ZDHHC7: variants seen among roughly 807,000 people sequenced by gnomAD.
The protein encoded by ZDHHC7 is zDHHC palmitoyltransferase 7, also known as palmitoyltransferase ZDHHC7.
ZDHHC7 carries 12 observed loss-of-function variants against 34.1 expected under a neutral mutation model. The observed-to-expected ratio is 0.35, with a 90% CI of 0.23 to 0.57. ZDHHC7 has a LOEUF of 0.57. Among genes scored for constraint, ZDHHC7 ranks in the 20% least tolerant of loss-of-function variants. The pLI, the probability that ZDHHC7 is intolerant of heterozygous loss-of-function variation, is 0.84. For synonymous variants in ZDHHC7, 185 were observed against 155.4 expected, an observed-to-expected ratio of 1.19 and a Z score of -1.42; for missense variants, 388 against 402.7, an observed-to-expected ratio of 0.96 and a Z score of 0.31.
At chr16:84,998,027 G>A (rs533198448) in intron 1 of ZDHHC7, among the ~76,000 whole-genome samples, 29 of 150,428 alleles carry the variant, frequency 1.9e-4, no homozygotes, top group Admixed American at 4.6e-4. Flanking sequence ...TTGGGAGGCC[G>A]AGGCGGGCGG....
At chr16:85,015,849 G>A (rs891461274), upstream of ZDHHC7, among the ~76,000 whole-genome samples, 2 of 151,064 alleles carry the variant, frequency 1.3e-5, no homozygotes, top group African/African-American at 2.4e-5. Context: ...AAAAAAAAAA[G>A]AAAAAGAAAA....
the ZDHHC7 span, among the ~76,000 whole-genome samples, chr16:85,019,674 T>C: frequency 6.6e-6 from 1 of 152,182 alleles, no homozygotes; most frequent in Non-Finnish European, 1.5e-5. Flanking sequence ...GCCGAGATTG[T>C]GCCTCTACAC....
At chr16:84,990,919 C>G (rs911289308) in intron 2 of ZDHHC7, among the ~76,000 whole-genome samples, 2 of 152,234 alleles carry the variant, frequency 1.3e-5, no homozygotes, top group African/African-American at 4.8e-5. Context: ...AAAGCACAAG[C>G]TAGACGCGAA....
chr16:84,995,164 G>C (rs143459622), intron 2 of ZDHHC7, among the ~76,000 whole-genome samples: 1 of 152,154 alleles, frequency 6.6e-6, no homozygotes, highest in Non-Finnish European at 1.5e-5. Flanking sequence ...CTCTCACACA[G>C]ATGCCCCAGC....
At chr16:85,014,338 C>T (rs1470051875), upstream of ZDHHC7, among the ~76,000 whole-genome samples, 2 of 152,226 alleles carry the variant, frequency 1.3e-5, no homozygotes, top group Non-Finnish European at 2.9e-5. Flanking sequence ...AGAATTTCAA[C>T]ATCTTTCTAT....
At chr16:84,990,657 A>G (rs2072498017) in intron 2 of ZDHHC7, 22 bp from the exon 3 acceptor site, 3 of 1,590,480 alleles carry the variant, frequency 1.9e-6, no homozygotes, top group Non-Finnish European at 1.7e-6. Context: ...GACGACACAG[A>G]GCTGGTAAGG....
At position 84,990,593 on chromosome 16, in the gene ZDHHC7, C is replaced by T. The variant is rs750803924; in HGVS notation, c.26G>A (p.Arg9Gln). Residue 9 changes from arginine to glutamine, a missense_variant, in exon 3 of 8, where the codon CGG becomes CAG. By Grantham distance (43) the Arg-to-Gln change is conservative. Coordinates refer to ENST00000313732, the MANE Select transcript of ZDHHC7 (RefSeq NM_017740.3). MQPSGHRL[R>Q]DVEHHPLLAE... is the part of the protein sequence containing the mutation. The stretch of plus-strand genomic sequence containing the variant: ...CAGGAGAGGATGATGCTCGACGTCC[C>T]GGAGCCTGTGTCCTGATGGCTGCAT... The T allele has an allele frequency of 1.9e-5, 30 of 1,613,896 alleles. No individual in the cohort carries two copies. Among genetic ancestry groups the T allele is most frequent in the Non-Finnish European group, 2.5e-5 (30 of 1,179,990 alleles).
intron 1 of ZDHHC7, among the ~76,000 whole-genome samples, chr16:85,001,767 G>T (rs1213961743): frequency 1.3e-5 from 2 of 152,114 alleles, no homozygotes; most frequent in East Asian, 3.9e-4. Context: ...ATTCAAGATG[G>T]GATCTTGCTA....
At chr16:85,003,875 T>G (rs2072683317) in intron 1 of ZDHHC7, among the ~76,000 whole-genome samples, 1 of 152,040 alleles carries the variant, frequency 6.6e-6, no homozygotes, top group African/African-American at 2.4e-5. Flanking sequence ...CAACACTGAC[T>G]TCCCTTCCCC....
At chr16:85,018,692 C>T in the ZDHHC7 span, among the ~76,000 whole-genome samples, 1 of 152,134 alleles carries the variant, frequency 6.6e-6, no homozygotes, top group South Asian at 2.1e-4. Flanking sequence ...TCAGGTGATC[C>T]GCCCACCTTG....
Position 84,975,691 on chromosome 16 carries a change from A to T in ZDHHC7, c.*652T>A, listed in dbSNP as rs1443116693. On this transcript the variant is annotated 3_prime_UTR_variant, in exon 8 of 8. Transcript: ENST00000313732. ...ACAGCCGGTAAATGTTACATTGCCT[A>T]AACAACACTGGCAATTTTGACACAC... 1.3e-5 allele frequency: 2 copies of T among 152,732 alleles called. No individual in the cohort carries two copies. Among genetic ancestry groups the T allele is most frequent in the African/African-American group, 4.8e-5 (2 of 41,450 alleles). 9.5% of individuals were successfully genotyped at this position (152,732 alleles called of 1,614,324 possible). A position where few individuals can be genotyped will look rare whatever the true frequency, so the allele number is the denominator to read the frequency against.
the ZDHHC7 span, among the ~76,000 whole-genome samples, chr16:85,017,181 C>T: frequency 6.6e-6 from 1 of 152,086 alleles, no homozygotes; most frequent in South Asian, 2.1e-4. Context: ...AATGTAATTA[C>T]AAATAAATAA....
intron 4 of ZDHHC7, among the ~76,000 whole-genome samples, chr16:84,980,341 C>T (rs1376108945): frequency 2.0e-5 from 3 of 151,954 alleles, no homozygotes; most frequent in Non-Finnish European, 4.4e-5. Context: ...CAAAACATTC[C>T]CATTTTATCT....
At chr16:85,023,105 A>T in the ZDHHC7 span, among the ~76,000 whole-genome samples, 21 of 152,102 alleles carry the variant, frequency 1.4e-4, no homozygotes, top group Admixed American at 3.3e-4. Flanking sequence ...CTGACACCTC[A>T]ATTTTAGGAC....
rs187516534 is a variant in ZDHHC7, at chr16:84,981,671, A to G, written c.440+199T>C. 2.4e-3 allele frequency among the ~76,000 whole-genome samples: 371 copies of G among 152,316 alleles called. 6 individuals are homozygous for G. Among genetic ancestry groups the G allele is most frequent in the Admixed American group, 0.022 (340 of 15,300 alleles). ...GAATCCATACTGTTTCCCAGCTCCC[A>G]AAAAGACTCTAGGGCACCGGCCCTT... On this transcript the variant is annotated intron_variant, in intron 4 of 7. Transcript: ENST00000313732.
In ZDHHC7 at chr16:84,976,289, C is replaced by A; in HGVS notation, c.*54G>T. On this transcript the variant is annotated 3_prime_UTR_variant, in exon 8 of 8. Coordinates refer to ENST00000313732, the MANE Select transcript of ZDHHC7 (RefSeq NM_017740.3). ...GATGAGCTGTTGATATCCTTCAGAC[C>A]CCAAATAAATAACTGGAAGTCTGTG... 2 of 1,604,328 alleles carry A rather than the reference C, an allele frequency of 1.2e-6. No homozygotes were observed. The highest frequency in any genetic ancestry group is 1.7e-6 in the Non-Finnish European group (2 of 1,176,314).
upstream of ZDHHC7, among the ~76,000 whole-genome samples, chr16:85,016,469 T>C (rs1020110636): frequency 6.6e-6 from 1 of 152,174 alleles, no homozygotes; most frequent in Non-Finnish European, 1.5e-5. Flanking sequence ...CTTTGTTTGG[T>C]GAGAGAGACA....
chr16:85,019,149 C>A, the ZDHHC7 span, among the ~76,000 whole-genome samples: 1 of 152,162 alleles, frequency 6.6e-6, no homozygotes, highest in Non-Finnish European at 1.5e-5. Flanking sequence ...GTTTTCCTCC[C>A]CGGTCCCCCA....
intron 2 of ZDHHC7, among the ~76,000 whole-genome samples, chr16:84,993,843 C>T (rs1433916214): frequency 6.6e-6 from 1 of 152,190 alleles, no homozygotes; most frequent in Non-Finnish European, 1.5e-5. Flanking sequence ...ACATAAACCT[C>T]ATTCACCCTG....
Sources: gnomAD v4.1 joint callset for allele counts (sites outside exome capture counted in the v4.1 genomes callset) on GRCh38, gnomAD v4.1.1 for gene constraint, MANE v1.5 for transcripts, NCBI Gene and HGNC (gene_info 2026-07-23, HGNC 2026-07-21) for gene names.